AHR: variants seen among roughly 807,000 people sequenced by gnomAD.
AHR encodes aryl hydrocarbon receptor.
A neutral mutation model predicts 86.8 loss-of-function variants in AHR; 40 were observed. The observed-to-expected ratio is 0.46, with a 90% CI of 0.36 to 0.60. The LOEUF is 0.60. Ranked by LOEUF, AHR falls within the 20% of genes least tolerant of loss-of-function variation. The pLI is 0.00. For synonymous variants in AHR, 398 were observed against 354.9 expected, an observed-to-expected ratio of 1.12 and a Z score of -1.37; for missense variants, 1,001 against 1,011.6, an observed-to-expected ratio of 0.99 and a Z score of 0.14.
In AHR at chr7:17,327,684, G is replaced by A. The variant is rs1019955445; in HGVS notation, c.361-75G>A. ...TATTTTGAAGAGAAGAATTTTCAGA[G>A]ATAAAAGTAATAACCTTTATCTGAT... On this transcript the variant is annotated intron_variant, in intron 3 of 10. Transcript: ENST00000242057. 3.4e-5 allele frequency: 26 copies of A among 769,424 alleles called. No homozygotes were observed. The African/African-American group carries it at 4.7e-4, about 14-fold the overall frequency. 47.7% of individuals were successfully genotyped at this position (769,424 alleles called of 1,614,324 possible). A position where few individuals can be genotyped will look rare whatever the true frequency, so the allele number is the denominator to read the frequency against.
In AHR at chr7:17,339,787, G is replaced by T. The variant is rs746088045; in HGVS notation, c.1962G>T (p.Trp654Cys). The change falls in exon 10 of 11, where the codon TGG becomes TGT. Residue 654 changes from tryptophan (W) to cysteine (C), a missense_variant. Coordinates refer to ENST00000242057, the MANE Select transcript of AHR (RefSeq NM_001621.5). The part of the protein sequence containing the change: ...HMQVNGMFEN[W>C]NSNQFVPFNC... ...AAGTTAATGGCATGTTTGAAAATTG[G>T]AACTCTAACCAATTCGTGCCTTTCA... 6.2e-7 allele frequency: 1 copy of T among 1,614,152 alleles called. No individual in the cohort carries two copies. The highest frequency in any genetic ancestry group is 1.1e-5 in the South Asian group (1 of 91,080).
At chr7:17,328,933 G>C (rs541182981) in intron 4 of AHR, among the ~76,000 whole-genome samples, 2 of 151,968 alleles carry the variant, frequency 1.3e-5, no homozygotes, top group African/African-American at 4.8e-5. Context: ...CTGATTTCTT[G>C]CATTCTAAAG....
At position 17,333,919 on chromosome 7, in the gene AHR, A is replaced by G. The variant is rs770894231; in HGVS notation, c.713A>G (p.Asn238Ser). 48 of 1,612,462 alleles carry G rather than the reference A, an allele frequency of 3.0e-5. No individual in the cohort carries two copies. In the South Asian group the frequency reaches 5.1e-4, roughly 17 times the overall value. Residue 238 changes from asparagine to serine, a missense_variant, in exon 7 of 11, where the codon AAT becomes AGT. By Grantham distance (46) the Asn-to-Ser change is conservative. This residue lies in a region of AHR where 394 missense variants were observed against 468.5 expected (regional missense o/e 0.84). Transcript: ENST00000242057. ...TGTTGTTGCTTTTTTAAGGCAATGA[A>G]TTTCCAAGGGAAGTTAAAGTATCTT... ...LDNSSGFLAM[N>S]FQGKLKYLHG...
At chr7:17,317,671 T>A (rs1386023903) in intron 2 of AHR, among the ~76,000 whole-genome samples, 1 of 152,098 alleles carries the variant, frequency 6.6e-6, no homozygotes, top group Non-Finnish European at 1.5e-5. Flanking sequence ...ATGCAAACTG[T>A]AAAGCCCTAT....
At chr7:17,331,621 A>G (rs182431585) in intron 6 of AHR, among the ~76,000 whole-genome samples, 17 of 152,066 alleles carry the variant, frequency 1.1e-4, no homozygotes, top group Admixed American at 1.1e-3. Flanking sequence ...ATATGTCTCA[A>G]ATAACTGCCA....
At chr7:17,313,168 AGTG>A (rs1782083230) in intron 2 of AHR, among the ~76,000 whole-genome samples, 2 of 152,138 alleles carry the variant, frequency 1.3e-5, no homozygotes, top group Non-Finnish European at 2.9e-5. Flanking sequence ...CCAGACTACC[AGTG>A]GTCTGGAAAG....
intron 3 of AHR, among the ~76,000 whole-genome samples, chr7:17,327,469 AT>A (rs1290236513): frequency 6.6e-5 from 10 of 151,962 alleles, no homozygotes; most frequent in Non-Finnish European, 1.2e-4. Flanking sequence ...TTTTTAAAAA[AT>A]ATATACAATA....
intron 9 of AHR, among the ~76,000 whole-genome samples, chr7:17,338,153 C>T (rs1239060910): frequency 2.0e-5 from 3 of 149,038 alleles, no homozygotes; most frequent in African/African-American, 4.9e-5. Context: ...GAGCCGAGAT[C>T]GCGCCACTGC....
chr7:17,343,194 T>A lies in AHR; in HGVS notation c.*130T>A. The A allele has an allele frequency of 1.8e-6, 2 of 1,119,740 alleles. No homozygotes were observed. Among genetic ancestry groups the A allele is most frequent in the Non-Finnish European group, 2.6e-6 (2 of 761,998 alleles). The allele number at this position is 1,119,740 out of a possible 1,614,324, so 69.4% of individuals were successfully genotyped here. A position where few individuals can be genotyped will look rare whatever the true frequency, so the allele number is the denominator to read the frequency against. ...CATTGATGCATGCTATTCACAATTA[T>A]TCCAAACCAAATTTTAATTTTTGCT... On this transcript the variant is annotated 3_prime_UTR_variant, in exon 11 of 11. Transcript: ENST00000242057.
At chr7:17,312,539 TGATTA>T (rs1782077008) in intron 2 of AHR, among the ~76,000 whole-genome samples, 1 of 152,196 alleles carries the variant, frequency 6.6e-6, no homozygotes, top group Non-Finnish European at 1.5e-5. Context: ...GACACATACA[TGATTA>T]GATAAGTGTC....
At chr7:17,323,055 A>G (rs1016316302) in intron 3 of AHR, among the ~76,000 whole-genome samples, 2 of 152,090 alleles carry the variant, frequency 1.3e-5, no homozygotes, top group African/African-American at 4.8e-5. Context: ...TGATGATGAA[A>G]ATCACCTAAC....
At chr7:17,312,909 T>C (rs1175066848) in intron 2 of AHR, among the ~76,000 whole-genome samples, 3 of 152,206 alleles carry the variant, frequency 2.0e-5, no homozygotes. Context: ...TTAACAAGCA[T>C]GTTACGGAGT....
chr7:17,334,185 A>G (rs905661902), intron 7 of AHR, 71 bp downstream of exon 7: 1 of 1,332,120 alleles, frequency 7.5e-7, no homozygotes, highest in South Asian at 1.2e-5. Context: ...CTTAGCATGT[A>G]AAACATACAG....
intron 1 of AHR, among the ~76,000 whole-genome samples, chr7:17,305,951 AG>A (rs1782001362): frequency 1.3e-5 from 2 of 152,188 alleles, no homozygotes; most frequent in Non-Finnish European, 2.9e-5. Flanking sequence ...GCTTCTAAAC[AG>A]AAGCATGGCA....
chr7:17,320,622 T>C (rs1271719032), intron 2 of AHR, among the ~76,000 whole-genome samples: 5 of 152,104 alleles, frequency 3.3e-5, no homozygotes, highest in African/African-American at 9.7e-5. Flanking sequence ...AGTAACAGAA[T>C]ATAGTTGACT....
chr7:17,333,959 G>A lies in AHR; in HGVS notation c.753G>A (p.Lys251=). 6.2e-7 allele frequency: 1 copy of A among 1,613,404 alleles called. No individual in the cohort carries two copies. The highest frequency in any genetic ancestry group is 1.1e-5 in the South Asian group (1 of 91,060). ...GKLKYLHGQK[K]KGKDGSILPP... ...TAAAGTATCTTCATGGACAGAAAAA[G>A]AAAGGGAAAGATGGATCAATACTTC... The change falls in exon 7 of 11, where the codon AAG becomes AAA. Residue 251 remains lysine (K), a synonymous_variant. Transcript: ENST00000242057.
intron 5 of AHR, 85 bp from the exon 6 acceptor site, chr7:17,330,671 G>A (rs1224596164): frequency 7.8e-7 from 1 of 1,278,438 alleles, no homozygotes; most frequent in African/African-American, 1.5e-5. Flanking sequence ...CTCCAGTTTA[G>A]AAACTAATAC....
At chr7:17,311,667 A>T (rs765047119) in intron 2 of AHR, among the ~76,000 whole-genome samples, 35 of 152,204 alleles carry the variant, frequency 2.3e-4, no homozygotes, top group Non-Finnish European at 3.8e-4. Context: ...TCAAAGTTTC[A>T]TAGTACACAA....
intron 9 of AHR, among the ~76,000 whole-genome samples, chr7:17,338,215 A>T (rs940539241): frequency 6.6e-6 from 1 of 151,380 alleles, no homozygotes; most frequent in African/African-American, 2.4e-5. Flanking sequence ...AAAAAAAAAA[A>T]TCTATTGCAA....
Sources: gnomAD v4.1 joint callset for allele counts (sites outside exome capture counted in the v4.1 genomes callset) on GRCh38, gnomAD v4.1.1 for gene constraint, gnomAD v4.1.1 regional missense constraint, MANE v1.5 for transcripts, NCBI Gene and HGNC (gene_info 2026-07-23, HGNC 2026-07-21) for gene names.